The following TSHZ2 variants were observed in gnomAD, a reference collection of about 807,000 sequenced individuals.
TSHZ2 encodes the protein teashirt homolog 2.
Under a neutral mutation model 74.4 loss-of-function variants are expected in TSHZ2, and 21 were observed. The ratio of observed to expected loss-of-function variants is 0.28; its 90% CI spans 0.20 to 0.41. The LOEUF (loss-of-function observed/expected upper bound fraction) is 0.41, where lower values mean the gene tolerates loss of function less well. Among genes scored for constraint, TSHZ2 ranks in the 10% least tolerant of loss-of-function variants. The pLI, the probability that TSHZ2 is intolerant of heterozygous loss-of-function variation, is 1.00. For synonymous variants in TSHZ2, 540 were observed against 515.3 expected (o/e 1.05, Z -0.65); for missense variants, 1,244 against 1,293.5 (o/e 0.96, Z 0.59).
intron 1 of TSHZ2, among the ~76,000 whole-genome samples, chr20:53,189,937 A>G (rs1367196373): frequency 6.7e-6 from 1 of 150,038 alleles, no homozygotes; most frequent in Non-Finnish European, 1.5e-5. Flanking sequence ...TACAAAAATT[A>G]GCTGAGCGTG....
At chr20:53,213,958 T>C (rs1310272816) in intron 1 of TSHZ2, among the ~76,000 whole-genome samples, 1 of 152,130 alleles carries the variant, frequency 6.6e-6, no homozygotes, top group African/African-American at 2.4e-5. Flanking sequence ...TATAGGACAT[T>C]GTGCTAAGTA....
In TSHZ2 at chr20:53,360,170, G is replaced by C. The variant is rs577017619; in HGVS notation, c.*8+103599G>C. Among the ~76,000 whole-genome samples, 3 of 152,270 alleles carry C rather than the reference G, an allele frequency of 2.0e-5. No homozygotes were observed. The South Asian group carries it at 6.2e-4, about 32-fold the overall frequency. On this transcript the variant is annotated intron_variant, in intron 2 of 2. Coordinates refer to ENST00000371497, the MANE Select transcript of TSHZ2 (RefSeq NM_173485.6). ...AAATCAAGATTTCCAAGTGAAGGGG[G>C]AAATGATACACTTTGTAAATGTAGT... is the stretch of plus-strand genomic sequence containing the variant.
In TSHZ2 at chr20:53,038,192, CAAAAAAAAAAAAAAAAAAAAAA is replaced by C. The variant is rs869242676; in HGVS notation, c.40+64879_40+64900del. On this transcript the variant is annotated intron_variant, in intron 1 of 2. Transcript: ENST00000371497. ...GGGCGACAAGAGCGGGATTCCGTCTCAAAAAAAAAAAAAAAAAAAAAAAAAAAAAAAAAAAAAAAAAGAAACT... is the reference window on the plus strand; with the variant it reads ...GGGCGACAAGAGCGGGATTCCGTCTCAAAAAAAAAAAAAAAAAAAGAAACT... 2.0e-3 allele frequency among the ~76,000 whole-genome samples: 106 copies of C among 53,944 alleles called. 1 individual carries two copies. The highest frequency in any genetic ancestry group is 5.7e-3 in the African/African-American group (91 of 15,964). 35.4% of individuals were successfully genotyped at this position (53,944 alleles called of 152,430 possible). A position where few individuals can be genotyped will look rare whatever the true frequency, so the allele number is the denominator to read the frequency against.
chr20:53,446,450 C>G (rs1984548709), intron 2 of TSHZ2, among the ~76,000 whole-genome samples: 1 of 150,816 alleles, frequency 6.6e-6, no homozygotes, highest in Admixed American at 6.6e-5. Flanking sequence ...TGGCAGGTAC[C>G]TGTAGTCCGT....
At position 53,089,348 on chromosome 20, in the gene TSHZ2, CAG is replaced by C. The variant is rs1370148971; in HGVS notation, c.40+116018_40+116019del. Among the ~76,000 whole-genome samples the C allele has an allele frequency of 7.4e-5, 6 of 81,138 alleles. 1 individual carries two copies. Among genetic ancestry groups the C allele is most frequent in the East Asian group, 3.4e-4 (1 of 2,932 alleles). 53.2% of individuals were successfully genotyped at this position (81,138 alleles called of 152,430 possible). On this transcript the variant is annotated intron_variant, in intron 1 of 2. Transcript: ENST00000371497. Reference sequence around the variant, plus strand: ...TTTTTTTTTTTTTTTTTTTATTAAACAGAGTTTTTCCAACTTCCAGGCTGGCA... The same window carrying C: ...TTTTTTTTTTTTTTTTTTTATTAAACAGTTTTTCCAACTTCCAGGCTGGCA...
chr20:53,119,663 T>C (rs946176449), intron 1 of TSHZ2, among the ~76,000 whole-genome samples: 1 of 152,252 alleles, frequency 6.6e-6, no homozygotes, highest in Non-Finnish European at 1.5e-5. Flanking sequence ...ATATCAATTA[T>C]ATGTTAAAAT....
intron 1 of TSHZ2, among the ~76,000 whole-genome samples, chr20:53,226,383 T>C (rs577803733): frequency 3.9e-5 from 6 of 152,250 alleles, no homozygotes; most frequent in Admixed American, 3.9e-4. Flanking sequence ...ACCTGCTCTG[T>C]GCTCAGTAAA....
chr20:53,092,392 A>T (rs1468077427), intron 1 of TSHZ2, among the ~76,000 whole-genome samples: 1 of 152,208 alleles, frequency 6.6e-6, no homozygotes, highest in African/African-American at 2.4e-5. Flanking sequence ...TTATCAGTCA[A>T]CTTGAGTCTT....
intron 2 of TSHZ2, among the ~76,000 whole-genome samples, chr20:53,335,612 C>T (rs371390154): frequency 6.6e-6 from 1 of 152,184 alleles, no homozygotes; most frequent in African/African-American, 2.4e-5. Context: ...CTCAATCATT[C>T]GTTTGCAAGT....
chr20:53,128,714 C>G (rs1987019488), intron 1 of TSHZ2, among the ~76,000 whole-genome samples: 2 of 151,988 alleles, frequency 1.3e-5, no homozygotes, highest in South Asian at 4.2e-4. Flanking sequence ...CTCCACCTCC[C>G]AAGTTCAAGT....
At chr20:53,029,798 A>G (rs1401920653) in intron 1 of TSHZ2, among the ~76,000 whole-genome samples, 1 of 152,188 alleles carries the variant, frequency 6.6e-6, no homozygotes, top group African/African-American at 2.4e-5. Flanking sequence ...TTTGTGTTTT[A>G]TAAAACTCAA....
chr20:53,155,795 A>G (rs961328892), intron 1 of TSHZ2, among the ~76,000 whole-genome samples: 1 of 152,178 alleles, frequency 6.6e-6, no homozygotes, highest in South Asian at 2.1e-4. Flanking sequence ...GATAGACTCT[A>G]CATTGGCCTC....
chr20:53,331,788 G>C (rs774071350), intron 2 of TSHZ2, among the ~76,000 whole-genome samples: 4 of 152,250 alleles, frequency 2.6e-5, no homozygotes, highest in Middle Eastern at 6.8e-3. Context: ...GGGCATGTGA[G>C]AGAACCACAG....
chr20:53,266,464 C>T (rs1340114492), intron 2 of TSHZ2, among the ~76,000 whole-genome samples: 1 of 152,182 alleles, frequency 6.6e-6, no homozygotes, highest in East Asian at 1.9e-4. Context: ...TACAGGATCA[C>T]TTTCTAGTTC....
intron 2 of TSHZ2, among the ~76,000 whole-genome samples, chr20:53,458,737 C>T (rs897035365): frequency 8.6e-5 from 13 of 151,910 alleles, no homozygotes; most frequent in African/African-American, 1.5e-4. Flanking sequence ...GCTTTGAATG[C>T]GTCCCAGAGA....
chr20:53,220,712 C>T (rs1158697593), intron 1 of TSHZ2, among the ~76,000 whole-genome samples: 3 of 152,112 alleles, frequency 2.0e-5, no homozygotes, highest in African/African-American at 7.2e-5. Context: ...AGGGGCCGGT[C>T]ATGCATCCTG....
chr20:53,261,598 A>G (rs985021296), intron 2 of TSHZ2, among the ~76,000 whole-genome samples: 2 of 152,096 alleles, frequency 1.3e-5, no homozygotes, highest in Non-Finnish European at 2.9e-5. Flanking sequence ...ATTTGGCTTA[A>G]CTCCGTCTAT....
chr20:53,391,992 G>C (rs770629408), intron 2 of TSHZ2, among the ~76,000 whole-genome samples: 1 of 152,138 alleles, frequency 6.6e-6, no homozygotes, highest in Admixed American at 6.5e-5. Context: ...TCTGAATCTA[G>C]TCCTAAGAAT....
chr20:53,174,006 A>G (rs533017577), intron 1 of TSHZ2, among the ~76,000 whole-genome samples: 1 of 152,350 alleles, frequency 6.6e-6, no homozygotes, highest in African/African-American at 2.4e-5. Context: ...ACACATACAC[A>G]TACCCATGAA....
Sources: allele counts gnomAD v4.1 joint callset (sites outside exome capture counted in the v4.1 genomes callset), GRCh38; gene constraint gnomAD v4.1.1; transcripts MANE v1.5; gene names NCBI Gene and HGNC (gene_info 2026-07-23, HGNC 2026-07-21).